The following ANGEL1 variants were observed in gnomAD, a reference collection of about 807,000 sequenced individuals.
ANGEL1 encodes the protein RNA 2',3'-cyclic phosphatase ANGEL1.
A neutral mutation model predicts 76.4 loss-of-function variants in ANGEL1; 62 were observed. That is an observed-to-expected ratio of 0.81 (90% CI 0.66 to 1.00). ANGEL1 has a LOEUF of 1.00. Among genes scored for constraint, ANGEL1 ranks in the 50% least tolerant of loss-of-function variants. The pLI is 0.00. For missense variants in ANGEL1, 737 were observed against 836.7 expected, an observed-to-expected ratio of 0.88 and a Z score of 1.47; for synonymous variants, 340 against 331.7, an observed-to-expected ratio of 1.03 and a Z score of -0.27.
chr14:76,806,973 C>A, intron 4 of ANGEL1, 124 bp from the exon 5 acceptor site: 1 of 1,100,134 alleles, frequency 9.1e-7, no homozygotes, highest in Non-Finnish European at 1.3e-6. Flanking sequence ...GTAAAGGAGC[C>A]TTTGCCACTT....
At chr14:76,810,738 ATC>A (rs1221907489) in intron 1 of ANGEL1, among the ~76,000 whole-genome samples, 1 of 152,234 alleles carries the variant, frequency 6.6e-6, no homozygotes, top group Non-Finnish European at 1.5e-5. Flanking sequence ...GACAGCTGAC[ATC>A]TCTCTGATAC....
rs763634438 is a variant in ANGEL1, at chr14:76,812,835, C to T, written c.-8G>A. 2.0e-6 allele frequency: 3 copies of T among 1,507,186 alleles called. No individual in the cohort carries two copies. Among genetic ancestry groups the T allele is most frequent in the South Asian group, 2.5e-5 (2 of 80,616 alleles). 93.4% of individuals were successfully genotyped at this position (1,507,186 alleles called of 1,614,324 possible). On this transcript the variant is annotated 5_prime_UTR_variant, in exon 1 of 10. Coordinates refer to ENST00000251089, the MANE Select transcript of ANGEL1 (RefSeq NM_015305.4). ...CAAGCACGACGCGATCATGGCCGGC[C>T]GCCCGCGCCCGCCTCCGCTCCTCAC...
rs1264586473 is a variant in ANGEL1 at position 76,787,192 on chromosome 14, G to A, written c.*2036C>T. On this transcript the variant is annotated 3_prime_UTR_variant, in exon 10 of 10. Transcript: ENST00000251089. ...TTCCTCTGCCCACCTCATTCTTCAG[G>A]CCCTCTCTCAAGGACCTAATCCCTT... The A allele has an allele frequency of 6.6e-6, 1 of 152,072 alleles. No homozygotes were observed. The highest frequency in any genetic ancestry group is 1.5e-5 in the Non-Finnish European group (1 of 68,038). 9.4% of individuals were successfully genotyped at this position (152,072 alleles called of 1,614,324 possible). A position where few individuals can be genotyped will look rare whatever the true frequency, so the allele number is the denominator to read the frequency against.
chr14:76,806,294 A>T, intron 5 of ANGEL1, 122 bp downstream of exon 5: 1 of 1,046,796 alleles, frequency 9.6e-7, no homozygotes, highest in Non-Finnish European at 1.4e-6. Flanking sequence ...CATAACAAGA[A>T]AAAGGAGGAG....
chr14:76,795,741 C>G (rs908803461), intron 7 of ANGEL1, among the ~76,000 whole-genome samples: 3 of 152,180 alleles, frequency 2.0e-5, no homozygotes, highest in Non-Finnish European at 4.4e-5. Flanking sequence ...CATTTATATG[C>G]CATCCAAATT....
chr14:76,802,399 T>G (rs1056695501), intron 7 of ANGEL1, among the ~76,000 whole-genome samples: 6 of 152,218 alleles, frequency 3.9e-5, no homozygotes, highest in Non-Finnish European at 8.8e-5. Context: ...CTGCACCAGC[T>G]ATTTGTACAA....
At chr14:76,807,281 G>T in intron 4 of ANGEL1, 152 bp downstream of exon 4, 1 of 728,516 alleles carries the variant, frequency 1.4e-6, no homozygotes. Flanking sequence ...TAAAACTGCA[G>T]AATTCTACTT....
intron 1 of ANGEL1, chr14:76,812,194 G>A: frequency 1.0e-6 from 1 of 970,928 alleles, no homozygotes; most frequent in Non-Finnish European, 1.2e-6. Context: ...GGGCAGGAAT[G>A]CTCCAAAGCT....
In ANGEL1 at chr14:76,807,869, A is replaced by G. The variant is rs1413906630; in HGVS notation, c.876+53T>C. 3.8e-6 allele frequency: 6 copies of G among 1,580,816 alleles called. No individual in the cohort carries two copies. In the East Asian group the frequency reaches 8.9e-5, roughly 24 times the overall value. On this transcript the variant is annotated intron_variant, in intron 3 of 9. Coordinates refer to ENST00000251089, the MANE Select transcript of ANGEL1 (RefSeq NM_015305.4). ...AACTCATCTTCTAAGAGCACTGGGCAACAGCCCAGGTCCAGCAACAATGCA... is the reference window on the plus strand; with the variant it reads ...AACTCATCTTCTAAGAGCACTGGGCGACAGCCCAGGTCCAGCAACAATGCA...
chr14:76,787,919 G>A lies in ANGEL1; in HGVS notation c.*1309C>T, dbSNP rs1212315029. The A allele has an allele frequency of 2.0e-5, 3 of 152,620 alleles. No homozygotes were observed. Among genetic ancestry groups the A allele is most frequent in the African/African-American group, 7.2e-5 (3 of 41,464 alleles). 9.5% of individuals were successfully genotyped at this position (152,620 alleles called of 1,614,324 possible). A position where few individuals can be genotyped will look rare whatever the true frequency, so the allele number is the denominator to read the frequency against. On this transcript the variant is annotated 3_prime_UTR_variant, in exon 10 of 10. Transcript: ENST00000251089. The stretch of plus-strand genomic sequence containing the variant: ...ACTAAGGAGTCCCCTGAATAAGCCA[G>A]GGTACCCTTCTGTTAGGGGAGGGAA...
intron 5 of ANGEL1, among the ~76,000 whole-genome samples, chr14:76,805,654 C>G (rs1175434855): frequency 6.6e-6 from 1 of 152,078 alleles, no homozygotes; most frequent in East Asian, 1.9e-4. Context: ...GATCCATATG[C>G]AAATTGCTGA....
intron 1 of ANGEL1, chr14:76,812,377 T>G: frequency 3.8e-6 from 4 of 1,044,768 alleles, no homozygotes; most frequent in African/African-American, 1.7e-5. Flanking sequence ...CCGCTGAGAA[T>G]TTGGGCACTC....
intron 1 of ANGEL1, among the ~76,000 whole-genome samples, chr14:76,811,613 A>G (rs1439220927): frequency 1.3e-5 from 2 of 151,652 alleles, no homozygotes; most frequent in African/African-American, 4.9e-5. Context: ...GCATTAGAAG[A>G]GCTCCAGGAA....
chr14:76,804,391 T>A (rs1894854805), intron 5 of ANGEL1: 4 of 1,008,828 alleles, frequency 4.0e-6, no homozygotes, highest in Non-Finnish European at 4.7e-6. Flanking sequence ...TACGTCACCA[T>A]CCTCGGTCAA....
chr14:76,789,275 G>A lies in ANGEL1; in HGVS notation c.1966C>T (p.His656Tyr), dbSNP rs143393016. 6.2e-7 allele frequency: 1 copy of A among 1,614,218 alleles called. No individual in the cohort carries two copies. The highest frequency in any genetic ancestry group is 8.5e-7 in the Non-Finnish European group (1 of 1,180,042). The change falls in exon 10 of 10, where the codon CAC (histidine) becomes TAC (tyrosine). Residue 656 changes from histidine (H) to tyrosine (Y), a missense_variant. Physicochemically the swap from His to Tyr is moderately conservative, Grantham distance 83. Transcript: ENST00000251089. The stretch of plus-strand genomic sequence containing the variant: ...CCGAAGCTGGCTAGCAGGCAGAGGT[G>A]GTCTGAAGAGCAGAAGGGGTTGGGT... ...GLPNPFCSSD[H>Y]LCLLASFGME...
At position 76,803,809 on chromosome 14, in the gene ANGEL1, GTGACATAC is replaced by G. The variant is rs763372576; in HGVS notation, c.1476_1483del (p.Gln492HisfsTer44). On this transcript the variant is annotated frameshift_variant, in exon 6 of 10. Transcript: ENST00000251089. LOFTEE classifies it high-confidence loss of function. Reference sequence around the variant, plus strand: ...ACCTGATCTCTTGGGGTGACAGGAGGTGACATACTGACAGCAATCAGTGATGCCCAGGG... The same window carrying G: ...ACCTGATCTCTTGGGGTGACAGGAGGTGACAGCAATCAGTGATGCCCAGGG... The G allele has an allele frequency of 6.2e-7, 1 of 1,613,872 alleles. No individual in the cohort carries two copies. Among genetic ancestry groups the G allele is most frequent in the Non-Finnish European group, 8.5e-7 (1 of 1,179,866 alleles).
rs778802323 is a variant in ANGEL1, at chr14:76,790,784, T to A, written c.1689-10A>T. 2 of 1,574,640 alleles carry A rather than the reference T, an allele frequency of 1.3e-6. No homozygotes were observed. Among genetic ancestry groups the A allele is most frequent in the South Asian group, 2.3e-5 (2 of 86,920 alleles). Reference sequence around the variant, plus strand: ...GATGGTACCTACAGTCCTACAGGGATGAAGGGGGAAACATTAGTTAACAAA... The same window carrying A: ...GATGGTACCTACAGTCCTACAGGGAAGAAGGGGGAAACATTAGTTAACAAA... On this transcript the variant is annotated splice_polypyrimidine_tract_variant and intron_variant, in intron 8 of 9. Transcript: ENST00000251089.
intron 7 of ANGEL1, among the ~76,000 whole-genome samples, chr14:76,795,423 A>C (rs1261815125): frequency 6.6e-6 from 1 of 152,144 alleles, no homozygotes; most frequent in African/African-American, 2.4e-5. Context: ...AATTTTTTGC[A>C]TCAATATTCA....
chr14:76,790,816 T>G (rs1894383569), intron 8 of ANGEL1, 42 bp from the exon 9 acceptor site: 1 of 1,517,554 alleles, frequency 6.6e-7, no homozygotes, highest in African/African-American at 1.4e-5. Context: ...CAAAAATTAC[T>G]AAATTTTCCC....
Sources: gnomAD v4.1 joint callset for allele counts (sites outside exome capture counted in the v4.1 genomes callset) on GRCh38, gnomAD v4.1.1 for gene constraint, MANE v1.5 for transcripts, NCBI Gene and HGNC (gene_info 2026-07-23, HGNC 2026-07-21) for gene names.